RSRC1: variants seen among roughly 807,000 people sequenced by gnomAD.
The protein encoded by RSRC1 is arginine and serine rich coiled-coil 1.
RSRC1 carries 39 observed loss-of-function variants against 49.1 expected under a neutral mutation model. That is an observed-to-expected ratio of 0.79 (90% confidence interval 0.61 to 1.04). The LOEUF is 1.04. Ranked by LOEUF, RSRC1 falls within the 50% of genes least tolerant of loss-of-function variation. The pLI is 0.00. For missense variants in RSRC1, 388 were observed against 402.4 expected, an observed-to-expected ratio of 0.96 and a Z score of 0.31; for synonymous variants, 143 against 130.8, an observed-to-expected ratio of 1.09 and a Z score of -0.63.
intron 6 of RSRC1, among the ~76,000 whole-genome samples, chr3:158,434,851 A>G (rs1255547492): frequency 6.6e-6 from 1 of 151,928 alleles, no homozygotes; most frequent in Non-Finnish European, 1.5e-5. Flanking sequence ...AAGACATCAC[A>G]TGGGGGTAAA....
chr3:158,515,987 G>A (rs1246185453), intron 7 of RSRC1, among the ~76,000 whole-genome samples: 3 of 151,456 alleles, frequency 2.0e-5, no homozygotes, highest in African/African-American at 7.3e-5. Flanking sequence ...GGTTATTCTA[G>A]TTATACATTC....
At chr3:158,179,372 CT>C (rs1367511979) in intron 3 of RSRC1, among the ~76,000 whole-genome samples, 1 of 152,184 alleles carries the variant, frequency 6.6e-6, no homozygotes, top group African/African-American at 2.4e-5. Context: ...ATAGTGCCCT[CT>C]TTTGGCAAAC....
chr3:158,434,061 A>G (rs1334580935), intron 6 of RSRC1, among the ~76,000 whole-genome samples: 1 of 152,010 alleles, frequency 6.6e-6, no homozygotes, highest in East Asian at 1.9e-4. Context: ...TGACTATTTA[A>G]GAAATAGCAG....
intron 7 of RSRC1, among the ~76,000 whole-genome samples, chr3:158,478,069 A>C (rs1738459826): frequency 6.6e-6 from 1 of 151,422 alleles, no homozygotes; most frequent in African/African-American, 2.4e-5. Flanking sequence ...CTAAATATTA[A>C]AAATAATAAA....
chr3:158,208,063 C>G (rs1721448507), intron 4 of RSRC1, among the ~76,000 whole-genome samples: 1 of 152,038 alleles, frequency 6.6e-6, no homozygotes, highest in Admixed American at 6.6e-5. Context: ...CTAAAAGATG[C>G]CTTTCCTTAT....
chr3:158,332,794 T>C (rs79168302), intron 5 of RSRC1, among the ~76,000 whole-genome samples: 4 of 152,044 alleles, frequency 2.6e-5, no homozygotes, highest in East Asian at 1.9e-4. Flanking sequence ...AATTTTTTTT[T>C]CCAAATCTGG....
At chr3:158,175,673 G>A (rs1295337221) in intron 3 of RSRC1, among the ~76,000 whole-genome samples, 1 of 151,980 alleles carries the variant, frequency 6.6e-6, no homozygotes, top group Non-Finnish European at 1.5e-5. Context: ...TACTTAATTA[G>A]TGTTGCTTAA....
chr3:158,265,363 G>T (rs1725111525), intron 4 of RSRC1, among the ~76,000 whole-genome samples: 1 of 152,084 alleles, frequency 6.6e-6, no homozygotes, highest in Admixed American at 6.5e-5. Context: ...GGGTACAGTG[G>T]CTCATGCCTG....
At chr3:158,113,510 A>G (rs984851611) in intron 1 of RSRC1, among the ~76,000 whole-genome samples, 8 of 151,798 alleles carry the variant, frequency 5.3e-5, no homozygotes, top group African/African-American at 1.9e-4. Context: ...CTGGGATTAC[A>G]GGCACGCTTC....
At chr3:158,390,834 A>G (rs1232711108) in intron 6 of RSRC1, among the ~76,000 whole-genome samples, 1 of 152,188 alleles carries the variant, frequency 6.6e-6, no homozygotes, top group African/African-American at 2.4e-5. Context: ...TGGTATCCAC[A>G]CATTGATGTT....
intron 6 of RSRC1, among the ~76,000 whole-genome samples, chr3:158,395,576 G>A (rs963367954): frequency 1.1e-4 from 17 of 151,992 alleles, no homozygotes; most frequent in African/African-American, 4.1e-4. Flanking sequence ...ACACAAAAAT[G>A]TGCTCAACTT....
At chr3:158,464,136 A>T (rs1016985991) in intron 7 of RSRC1, among the ~76,000 whole-genome samples, 1 of 151,996 alleles carries the variant, frequency 6.6e-6, no homozygotes, top group African/African-American at 2.4e-5. Flanking sequence ...TTTTCTCTGT[A>T]TGTGTTTGAA....
chr3:158,234,941 A>G (rs1187657267), intron 4 of RSRC1, among the ~76,000 whole-genome samples: 1 of 152,142 alleles, frequency 6.6e-6, no homozygotes, highest in African/African-American at 2.4e-5. Flanking sequence ...TATAGAACCA[A>G]TATAGCCAAT....
At chr3:158,307,287 G>A (rs1727888854) in intron 5 of RSRC1, among the ~76,000 whole-genome samples, 1 of 151,868 alleles carries the variant, frequency 6.6e-6, no homozygotes, top group Non-Finnish European at 1.5e-5. Flanking sequence ...AACCTTTGGA[G>A]GATTCAGTTT....
At chr3:158,421,185 G>A (rs748757771) in intron 6 of RSRC1, among the ~76,000 whole-genome samples, 18 of 151,928 alleles carry the variant, frequency 1.2e-4, no homozygotes, top group Non-Finnish European at 2.2e-4. Context: ...AAGAAGATCA[G>A]TATGGATTGA....
At chr3:158,446,608 A>G (rs1410668597) in intron 6 of RSRC1, among the ~76,000 whole-genome samples, 1 of 152,048 alleles carries the variant, frequency 6.6e-6, no homozygotes, top group East Asian at 1.9e-4. Context: ...TTTTATAATA[A>G]TTATTTTCAT....
intron 4 of RSRC1, among the ~76,000 whole-genome samples, chr3:158,294,552 C>T (rs1727127169): frequency 6.6e-6 from 1 of 151,786 alleles, no homozygotes. Context: ...CAGCATTTAG[C>T]TGCCTTGGAT....
chr3:158,437,127 A>C (rs1560042289), intron 6 of RSRC1, among the ~76,000 whole-genome samples: 1 of 152,038 alleles, frequency 6.6e-6, no homozygotes, highest in African/African-American at 2.4e-5. Flanking sequence ...CAAAAAAAAA[A>C]ACCTTTGGAT....
At chr3:158,198,921 T>C (rs1158122917) in intron 3 of RSRC1, among the ~76,000 whole-genome samples, 1 of 152,226 alleles carries the variant, frequency 6.6e-6, no homozygotes, top group East Asian at 1.9e-4. Flanking sequence ...ATATTACTGC[T>C]GCTGAAAGCC....
Sources: allele counts gnomAD v4.1 joint callset (sites outside exome capture counted in the v4.1 genomes callset), GRCh38; gene constraint gnomAD v4.1.1; transcripts MANE v1.5; gene names NCBI Gene and HGNC (gene_info 2026-07-23, HGNC 2026-07-21).